The following DAPK2 variants were observed in gnomAD, a reference collection of about 807,000 sequenced individuals.
DAPK2 encodes death-associated protein kinase 2.
Under a neutral mutation model 44.1 loss-of-function variants are expected in DAPK2, and 35 were observed. The observed-to-expected ratio is 0.79, with a 90% CI of 0.61 to 1.05. The LOEUF is 1.05. Ranked by LOEUF, DAPK2 falls within the 50% of genes least tolerant of loss-of-function variation. The pLI is 0.00. For missense variants in DAPK2, 453 were observed against 483.2 expected (o/e 0.94, Z 0.59); for synonymous variants, 174 against 182.6 (o/e 0.95, Z 0.38).
chr15:63,950,076 T>G (rs2077547817), intron 3 of DAPK2, among the ~76,000 whole-genome samples: 1 of 152,226 alleles, frequency 6.6e-6, no homozygotes, highest in Non-Finnish European at 1.5e-5. Context: ...CTACCAAGTC[T>G]TACCTCCACT....
At chr15:63,997,097 C>T (rs546744702) in intron 1 of DAPK2, among the ~76,000 whole-genome samples, 4 of 152,170 alleles carry the variant, frequency 2.6e-5, no homozygotes, top group Non-Finnish European at 4.4e-5. Flanking sequence ...GTCAGGCAAG[C>T]GGCTCAGAGT....
In DAPK2 at chr15:63,939,172, C is replaced by T. The variant is rs559703079; in HGVS notation, c.583+60G>A. ...ATAGCCCCAGACACAGGTTTCTTCC[C>T]AGGATCCCTACCTTTGATGCCAGAT... On this transcript the variant is annotated intron_variant, in intron 4 of 10. Coordinates refer to ENST00000261891, the Ensembl canonical transcript of DAPK2. This position sits in a 1 kb window ranked among gnomAD's most constrained non-coding sequence, Gnocchi z 4.3. The T allele has an allele frequency of 1.9e-5, 31 of 1,601,756 alleles. No individual in the cohort carries two copies. Among genetic ancestry groups the T allele is most frequent in the Admixed American group, 1.4e-4 (8 of 58,538 alleles).
At chr15:63,968,089 A>G (rs982280858) in intron 3 of DAPK2, among the ~76,000 whole-genome samples, 1 of 152,224 alleles carries the variant, frequency 6.6e-6, no homozygotes, top group African/African-American at 2.4e-5. Flanking sequence ...ACAACACAGA[A>G]CCAAGAAGCC....
At chr15:64,038,287 T>G (rs745512526) in intron 1 of DAPK2, among the ~76,000 whole-genome samples, 73 of 152,126 alleles carry the variant, frequency 4.8e-4, no homozygotes, top group Non-Finnish European at 9.1e-4. Flanking sequence ...CCCACAGTAC[T>G]CAGCACAGAC....
At position 63,923,991 on chromosome 15, in the gene DAPK2, C is replaced by T. The variant is rs183761706; in HGVS notation, c.858+825G>A. On this transcript the variant is annotated intron_variant, in intron 8 of 10. Transcript: ENST00000261891. The surrounding 1 kb of genome is among the most constrained non-coding windows in gnomAD (Gnocchi z 4.2). Reference sequence around the variant, plus strand: ...ATGAGCCACTGCACCTGGCCTGCCTCACCTTTTCTTATCTCCACCTTTCTT... The same window carrying T: ...ATGAGCCACTGCACCTGGCCTGCCTTACCTTTTCTTATCTCCACCTTTCTT... Among the ~76,000 whole-genome samples the T allele has an allele frequency of 2.6e-5, 4 of 152,312 alleles. No individual in the cohort carries two copies. The highest frequency in any genetic ancestry group is 2.6e-4 in the Admixed American group (4 of 15,300).
chr15:64,034,269 A>G (rs1567288299), intron 1 of DAPK2, among the ~76,000 whole-genome samples: 1 of 152,136 alleles, frequency 6.6e-6, no homozygotes, highest in Non-Finnish European at 1.5e-5. Flanking sequence ...TCTTTCCCCA[A>G]AGAAGGTGTC....
chr15:63,959,095 C>T (rs947245266), intron 3 of DAPK2, among the ~76,000 whole-genome samples: 1 of 152,044 alleles, frequency 6.6e-6, no homozygotes, highest in Non-Finnish European at 1.5e-5. Context: ...GATTCCTAGG[C>T]ATTTTATTCT....
intron 1 of DAPK2, among the ~76,000 whole-genome samples, chr15:63,984,311 G>A (rs953799288): frequency 3.9e-5 from 6 of 152,220 alleles, no homozygotes; most frequent in African/African-American, 1.4e-4. Flanking sequence ...GCAAAGCCAA[G>A]CCTCAAAGTC....
At chr15:63,956,862 C>G (rs1007175098) in intron 3 of DAPK2, among the ~76,000 whole-genome samples, 5 of 152,344 alleles carry the variant, frequency 3.3e-5, no homozygotes, top group Admixed American at 3.3e-4. Context: ...GCTGGGATTA[C>G]AGGCGTGAGC....
chr15:63,908,706 C>T lies in DAPK2; in HGVS notation c.1033-106G>A. 1 of 897,668 alleles carries T rather than the reference C, an allele frequency of 1.1e-6. No individual in the cohort carries two copies. Among genetic ancestry groups the T allele is most frequent in the Middle Eastern group, 2.3e-4 (1 of 4,302 alleles). 55.6% of individuals were successfully genotyped at this position (897,668 alleles called of 1,614,324 possible). ...TTGATTCACCTGGACCACGGGACTACAAGCCAGGGAGGTGGGTGGTGAAAG... is the reference window on the plus strand; with the variant it reads ...TTGATTCACCTGGACCACGGGACTATAAGCCAGGGAGGTGGGTGGTGAAAG... On this transcript the variant is annotated intron_variant, in intron 10 of 10. Transcript: ENST00000261891. This position sits in a 1 kb window ranked among gnomAD's most constrained non-coding sequence, Gnocchi z 5.7.
intron 3 of DAPK2, among the ~76,000 whole-genome samples, chr15:63,960,852 G>A (rs1408482173): frequency 7.8e-6 from 1 of 127,830 alleles, no homozygotes; most frequent in African/African-American, 2.8e-5. Context: ...TTCTGTAGAT[G>A]TCTATTAGGT....
At chr15:63,944,343 C>A (rs1002188029) in intron 3 of DAPK2, among the ~76,000 whole-genome samples, 5 of 152,130 alleles carry the variant, frequency 3.3e-5, no homozygotes, top group African/African-American at 1.2e-4. Context: ...TGGCTCCCTG[C>A]TATCCAGCCA....
intron 1 of DAPK2, among the ~76,000 whole-genome samples, chr15:64,030,469 G>T (rs529179093): frequency 3.5e-4 from 53 of 152,010 alleles, no homozygotes; most frequent in Non-Finnish European, 4.7e-4. Context: ...AAGTCTCATG[G>T]GTTTAAGAAC....
intron 4 of DAPK2, among the ~76,000 whole-genome samples, chr15:63,934,342 T>G (rs1461070403): frequency 7.1e-6 from 1 of 140,788 alleles, no homozygotes; most frequent in African/African-American, 2.6e-5. Context: ...CTGCAACCTC[T>G]GCCTCCTGGG....
chr15:64,002,626 G>A (rs941238965), intron 1 of DAPK2, among the ~76,000 whole-genome samples: 7 of 152,144 alleles, frequency 4.6e-5, no homozygotes, highest in Non-Finnish European at 1.0e-4. Flanking sequence ...CTTCTATGAG[G>A]CTCACATAGC....
chr15:63,998,697 A>G (rs1057201314), intron 1 of DAPK2, among the ~76,000 whole-genome samples: 5 of 152,236 alleles, frequency 3.3e-5, no homozygotes, highest in African/African-American at 9.6e-5. Context: ...CCGTGTGCAC[A>G]GCTTGGCATC....
At chr15:64,037,644 GAAA>G (rs899324170) in intron 1 of DAPK2, among the ~76,000 whole-genome samples, 2 of 152,150 alleles carry the variant, frequency 1.3e-5, no homozygotes, top group African/African-American at 2.4e-5. Context: ...GAGGGCAGGA[GAAA>G]AGAATAGGAC....
At chr15:63,940,417 G>A (rs976086560) in intron 3 of DAPK2, among the ~76,000 whole-genome samples, 8 of 151,976 alleles carry the variant, frequency 5.3e-5, no homozygotes, top group Non-Finnish European at 7.4e-5. Flanking sequence ...AAAATAAAAA[G>A]GAATGAAGTA....
Position 63,946,456 on chromosome 15 carries a change from T to G in DAPK2, c.454-7095A>C, listed in dbSNP as rs1006226354. On this transcript the variant is annotated intron_variant, in intron 3 of 10. Coordinates refer to ENST00000261891, the Ensembl canonical transcript of DAPK2. ...TCTTAGAGGCTCAGTTTCCCATCTATAAAATGGGGGCAAAACCTACTGAGC... is the reference window on the plus strand; with the variant it reads ...TCTTAGAGGCTCAGTTTCCCATCTAGAAAATGGGGGCAAAACCTACTGAGC... Among the ~76,000 whole-genome samples, 19 of 152,342 alleles carry G rather than the reference T, an allele frequency of 1.2e-4. No individual in the cohort carries two copies. In the East Asian group the frequency reaches 3.5e-3, roughly 28 times the overall value.
Sources: gnomAD v4.1 joint callset for allele counts (sites outside exome capture counted in the v4.1 genomes callset) on GRCh38, gnomAD v4.1.1 for gene constraint, Gnocchi (gnomAD v3.1) non-coding constraint, MANE v1.5 for transcripts, NCBI Gene and HGNC (gene_info 2026-07-23, HGNC 2026-07-21) for gene names.